The following COIL variants were observed in gnomAD, a reference collection of about 807,000 sequenced individuals.
COIL encodes the protein coilin p80.
A neutral mutation model predicts 51.6 loss-of-function variants in COIL; 28 were observed. That is an observed-to-expected ratio of 0.54 (90% CI 0.40 to 0.74). The LOEUF (loss-of-function observed/expected upper bound fraction) is 0.74, where lower values mean the gene tolerates loss of function less well. Ranked by LOEUF, COIL falls within the 30% of genes least tolerant of loss-of-function variation. The pLI is 0.00. For missense variants in COIL, 667 were observed against 685.9 expected, an observed-to-expected ratio of 0.97 and a Z score of 0.31; for synonymous variants, 233 against 255.8, an observed-to-expected ratio of 0.91 and a Z score of 0.85.
At chr17:56,949,624 A>G in intron 3 of COIL, 57 bp downstream of exon 3, 1 of 1,503,614 alleles carries the variant, frequency 6.7e-7, no homozygotes, top group Non-Finnish European at 9.3e-7. Context: ...TTTCTAAGTA[A>G]GTTTATTTGG....
At chr17:56,953,228 A>C (rs189346532) in intron 1 of COIL, among the ~76,000 whole-genome samples, 2 of 151,758 alleles carry the variant, frequency 1.3e-5, no homozygotes, top group Admixed American at 1.3e-4. Flanking sequence ...TGGCTAACAC[A>C]GTGAAACCCC....
intron 1 of COIL, among the ~76,000 whole-genome samples, chr17:56,958,373 T>A (rs548132669): frequency 2.0e-5 from 3 of 152,328 alleles, no homozygotes; most frequent in Admixed American, 2.0e-4. Flanking sequence ...GAAAAGTGAA[T>A]TTGCCAGGGA....
chr17:56,954,788 G>A (rs1320580880), intron 1 of COIL, among the ~76,000 whole-genome samples: 1 of 151,794 alleles, frequency 6.6e-6, no homozygotes, highest in East Asian at 1.9e-4. Context: ...GGGCAACACA[G>A]TGAGCCCTCA....
At chr17:56,943,747 G>A (rs982676872) in intron 5 of COIL, among the ~76,000 whole-genome samples, 1 of 152,188 alleles carries the variant, frequency 6.6e-6, no homozygotes, top group African/African-American at 2.4e-5. Flanking sequence ...GTTAACATAT[G>A]CAATGTTGCT....
chr17:56,957,669 C>A lies in COIL; in HGVS notation c.245+3106G>T, dbSNP rs568949122. On this transcript the variant is annotated intron_variant, in intron 1 of 6. Transcript: ENST00000240316. The stretch of plus-strand genomic sequence containing the variant: ...AATTAATTAAAATAAAATAAAAAAA[C>A]CAAATCTGCCAACACCCTGATCTTG... Among the ~76,000 whole-genome samples, 10 of 152,028 alleles carry A rather than the reference C, an allele frequency of 6.6e-5. No individual in the cohort carries two copies. In the South Asian group the frequency reaches 1.5e-3, roughly 22 times the overall value.
At chr17:56,946,389 T>C (rs1166775195) in intron 5 of COIL, 53 bp downstream of exon 5, 9 of 1,256,702 alleles carry the variant, frequency 7.2e-6, no homozygotes, top group South Asian at 1.3e-5. Context: ...AAGCTATTTA[T>C]AAACCACTGT....
intron 5 of COIL, among the ~76,000 whole-genome samples, chr17:56,943,552 CAAG>C (rs1006140533): frequency 7.8e-4 from 119 of 152,310 alleles, no homozygotes; most frequent in African/African-American, 2.8e-3. Context: ...AAGTGAGAGA[CAAG>C]GAGGCACCAC....
intron 1 of COIL, among the ~76,000 whole-genome samples, chr17:56,953,421 A>AC (rs1910418789): frequency 6.6e-6 from 1 of 151,156 alleles, no homozygotes; most frequent in Admixed American, 6.6e-5. Flanking sequence ...AAAAAAAAAA[A>AC]AAAAAAAAAA....
In COIL at chr17:56,950,816, A is replaced by G. The variant is rs762808155; in HGVS notation, c.426T>C (p.Asn142=). 4 of 1,613,844 alleles carry G rather than the reference A, an allele frequency of 2.5e-6. No homozygotes were observed. In the South Asian group the frequency reaches 3.3e-5, roughly 13 times the overall value. The stretch of plus-strand genomic sequence containing the variant: ...TTGGTTCCAGATCCAAGACCTTCTC[A>G]TTATTGTTATTGTTCTCTCGACTCT... The part of the protein sequence containing the change: ...HWKSRENNNN[N]EKVLDLEPKA... The change falls in exon 2 of 7, where the codon AAT becomes AAC. Residue 142 remains asparagine, a synonymous_variant. Coordinates refer to ENST00000240316, the MANE Select transcript of COIL (RefSeq NM_004645.3).
At chr17:56,952,638 G>A (rs1567853768) in intron 1 of COIL, among the ~76,000 whole-genome samples, 1 of 152,056 alleles carries the variant, frequency 6.6e-6, no homozygotes, top group South Asian at 2.1e-4. Context: ...CTGGGACATC[G>A]GTCTTCTCCT....
chr17:56,957,305 A>T (rs1032912932), intron 1 of COIL, among the ~76,000 whole-genome samples: 1 of 151,846 alleles, frequency 6.6e-6, no homozygotes, highest in African/African-American at 2.4e-5. Context: ...CGATTAAAAA[A>T]AATTTAAAAA....
intron 1 of COIL, among the ~76,000 whole-genome samples, chr17:56,954,394 C>A (rs1910444452): frequency 6.6e-6 from 1 of 152,044 alleles, no homozygotes; most frequent in Non-Finnish European, 1.5e-5. Flanking sequence ...AACCCAGTCT[C>A]TACTAAAAAT....
intron 1 of COIL, among the ~76,000 whole-genome samples, chr17:56,956,841 T>G (rs1742331111): frequency 6.6e-6 from 1 of 152,006 alleles, no homozygotes; most frequent in Admixed American, 6.6e-5. Flanking sequence ...GCAATCTGCC[T>G]GCCTCAGCCT....
At chr17:56,943,483 C>T (rs1234765960) in intron 5 of COIL, among the ~76,000 whole-genome samples, 1 of 152,166 alleles carries the variant, frequency 6.6e-6, no homozygotes, top group Non-Finnish European at 1.5e-5. Flanking sequence ...GTGCCTTTAT[C>T]TTTGTGGGCC....
chr17:56,955,850 C>T (rs918034946), intron 1 of COIL, among the ~76,000 whole-genome samples: 3 of 152,008 alleles, frequency 2.0e-5, no homozygotes, highest in Non-Finnish European at 4.4e-5. Context: ...TCTCTTAGAC[C>T]AATGAGTATT....
chr17:56,958,344 G>A (rs1371718772), intron 1 of COIL, among the ~76,000 whole-genome samples: 2 of 152,212 alleles, frequency 1.3e-5, no homozygotes, highest in African/African-American at 2.4e-5. Context: ...GAGACTATGT[G>A]TTCTTCCGTA....
chr17:56,960,669 C>T (rs1910575716), intron 1 of COIL, 106 bp downstream of exon 1: 8 of 248,894 alleles, frequency 3.2e-5, no homozygotes, highest in South Asian at 3.0e-4. Context: ...CCTTCCCCAT[C>T]CCCCATCCCC....
rs1175668784 is a variant in COIL at position 56,960,721 on chromosome 17, G to A, written c.245+54C>T. 4.8e-6 allele frequency: 6 copies of A among 1,260,084 alleles called. No homozygotes were observed. The African/African-American group carries it at 8.1e-5, about 17-fold the overall frequency. 78.1% of individuals were successfully genotyped at this position (1,260,084 alleles called of 1,614,324 possible). Reference sequence around the variant, plus strand: ...GCGGCTTCAGGCCCGGGCGTGCGCAGGCGCGTCCCCCGCCCGCCGCCCACC... The same window carrying A: ...GCGGCTTCAGGCCCGGGCGTGCGCAAGCGCGTCCCCCGCCCGCCGCCCACC... On this transcript the variant is annotated intron_variant, in intron 1 of 6. Transcript: ENST00000240316.
chr17:56,943,638 G>A (rs1424312463), intron 5 of COIL, among the ~76,000 whole-genome samples: 1 of 152,306 alleles, frequency 6.6e-6, no homozygotes, highest in South Asian at 2.1e-4. Context: ...GACTCTGAAA[G>A]TACTGACTTG....
Sources: allele counts gnomAD v4.1 joint callset (sites outside exome capture counted in the v4.1 genomes callset), GRCh38; gene constraint gnomAD v4.1.1; transcripts MANE v1.5; gene names NCBI Gene and HGNC (gene_info 2026-07-23, HGNC 2026-07-21).